The following NPAS3 variants were observed in gnomAD, a reference collection of about 807,000 sequenced individuals.
NPAS3 encodes neuronal PAS domain-containing protein 3.
A neutral mutation model predicts 73.1 loss-of-function variants in NPAS3; 14 were observed. That is an observed-to-expected ratio of 0.19 (90% CI 0.13 to 0.30). NPAS3 has a LOEUF of 0.30. Among genes scored for constraint, NPAS3 ranks in the 10% least tolerant of loss-of-function variants. The pLI, the probability that NPAS3 is intolerant of heterozygous loss-of-function variation, is 1.00. For missense variants in NPAS3, 1,096 were observed against 1,250.0 expected (o/e 0.88, Z 1.86); for synonymous variants, 620 against 541.5 (o/e 1.14, Z -2.01).
chr14:33,419,186 G>A (rs2048273229), intron 4 of NPAS3, among the ~76,000 whole-genome samples: 1 of 151,912 alleles, frequency 6.6e-6, no homozygotes, highest in African/African-American at 2.4e-5. Flanking sequence ...TCAAGGAACA[G>A]CATCTAGGCT....
intron 2 of NPAS3, among the ~76,000 whole-genome samples, chr14:33,073,838 G>A (rs1171890506): frequency 6.6e-6 from 1 of 152,196 alleles, no homozygotes; most frequent in East Asian, 1.9e-4. Flanking sequence ...ATGAGAGAGA[G>A]AGGCCAGCTT....
intron 5 of NPAS3, among the ~76,000 whole-genome samples, chr14:33,644,855 G>A (rs1009481515): frequency 2.0e-5 from 3 of 152,120 alleles, no homozygotes; most frequent in Non-Finnish European, 4.4e-5. Context: ...GGCAGAGGCG[G>A]GCGGATCACA....
chr14:33,265,158 C>G (rs1485563642), intron 3 of NPAS3, among the ~76,000 whole-genome samples: 2 of 152,182 alleles, frequency 1.3e-5, no homozygotes, highest in Admixed American at 1.3e-4. Context: ...AGATACTCAT[C>G]CAAGCCTAGC....
At chr14:33,282,087 G>A (rs542985413) in intron 3 of NPAS3, among the ~76,000 whole-genome samples, 1 of 152,282 alleles carries the variant, frequency 6.6e-6, no homozygotes, top group East Asian at 1.9e-4. Context: ...TAGAGAAGCA[G>A]TAATGCTAAA....
intron 7 of NPAS3, among the ~76,000 whole-genome samples, chr14:33,772,677 C>A (rs2062692595): frequency 1.3e-5 from 2 of 152,178 alleles, no homozygotes; most frequent in Admixed American, 6.5e-5. Flanking sequence ...ACTGTTAACA[C>A]CCCTCCTGTG....
chr14:32,973,892 A>G (rs979968062), intron 1 of NPAS3, among the ~76,000 whole-genome samples: 3 of 152,284 alleles, frequency 2.0e-5, no homozygotes, highest in African/African-American at 4.8e-5. Context: ...TTAAGTAACT[A>G]TTTCAAGGGC....
chr14:33,338,390 C>A (rs745538797), intron 3 of NPAS3, among the ~76,000 whole-genome samples: 1 of 152,040 alleles, frequency 6.6e-6, no homozygotes, highest in Admixed American at 6.5e-5. Flanking sequence ...CCATAGAGAT[C>A]GTTGTTGCTT....
intron 2 of NPAS3, among the ~76,000 whole-genome samples, chr14:33,133,722 A>T (rs2043725929): frequency 6.6e-6 from 1 of 152,188 alleles, no homozygotes; most frequent in Non-Finnish European, 1.5e-5. Flanking sequence ...AGAAAAGTGG[A>T]AGCTTTTGTA....
intron 1 of NPAS3, among the ~76,000 whole-genome samples, chr14:32,976,439 T>C (rs1033055544): frequency 6.6e-6 from 1 of 152,230 alleles, no homozygotes; most frequent in Non-Finnish European, 1.5e-5. Context: ...TTGTGTTTTG[T>C]CACACACATG....
chr14:33,795,535 T>C (rs2063487794), intron 10 of NPAS3, among the ~76,000 whole-genome samples: 3 of 152,188 alleles, frequency 2.0e-5, no homozygotes, highest in African/African-American at 7.2e-5. Flanking sequence ...CAAAATGATA[T>C]TGTGACAAGG....
intron 5 of NPAS3, among the ~76,000 whole-genome samples, chr14:33,582,332 A>G (rs923147457): frequency 4.6e-5 from 7 of 152,202 alleles, no homozygotes; most frequent in Admixed American, 1.3e-4. Context: ...AAATATGAAA[A>G]GGATGATCCC....
rs1484717400 is a variant in NPAS3 at position 33,544,820 on chromosome 14, AATATATATGTGTATATATATATT to A, written c.469-15281_469-15259del. 9.1e-5 allele frequency among the ~76,000 whole-genome samples: 9 copies of A among 98,550 alleles called. 1 individual carries two copies. The highest frequency in any genetic ancestry group is 1.5e-4 in the Non-Finnish European group (8 of 53,620). The allele number at this position is 98,550 out of a possible 152,430, so 64.7% of individuals were successfully genotyped here. On this transcript the variant is annotated intron_variant, in intron 4 of 11. Coordinates refer to ENST00000356141, the Ensembl canonical transcript of NPAS3. ...TATATATATATATATATGTATATATAATATATATGTGTATATATATATTATATATATGTGTATATATAATATAT... is the reference window on the plus strand; with the variant it reads ...TATATATATATATATATGTATATATAATATATATGTGTATATATAATATAT...
intron 4 of NPAS3, among the ~76,000 whole-genome samples, chr14:33,404,235 T>C (rs1470330734): frequency 6.6e-6 from 1 of 152,126 alleles, no homozygotes; most frequent in Non-Finnish European, 1.5e-5. Flanking sequence ...AGGTGTGAAC[T>C]TCTTGTTGCT....
Position 33,770,091 on chromosome 14 carries a change from T to C in NPAS3, c.853-4246T>C, listed in dbSNP as rs530269406. ...GGAAAACTTTAAAAATGTCTATGAA[T>C]ATTGATGCCAGTGCCCCACCACCTG... On this transcript the variant is annotated intron_variant, in intron 7 of 11. Transcript: ENST00000356141. Among the ~76,000 whole-genome samples, 161 of 152,162 alleles carry C rather than the reference T, an allele frequency of 1.1e-3. 1 individual carries two copies. Among genetic ancestry groups the C allele is most frequent in the African/African-American group, 3.8e-3 (157 of 41,502 alleles).
intron 4 of NPAS3, among the ~76,000 whole-genome samples, chr14:33,549,432 A>T (rs1253431541): frequency 6.6e-6 from 1 of 152,100 alleles, no homozygotes; most frequent in Non-Finnish European, 1.5e-5. Context: ...ACAAGGCTTC[A>T]TCATGTTGCC....
intron 4 of NPAS3, among the ~76,000 whole-genome samples, chr14:33,424,256 G>T (rs756579749): frequency 1.1e-4 from 16 of 151,960 alleles, no homozygotes; most frequent in Non-Finnish European, 1.5e-4. Flanking sequence ...TAGCATGTGC[G>T]GGGGCCCAGT....
intron 5 of NPAS3, among the ~76,000 whole-genome samples, chr14:33,564,405 A>ATTCACAGCAAGGCTGTCGTGATC (rs2055818961): frequency 1.3e-5 from 2 of 152,136 alleles, no homozygotes; most frequent in East Asian, 3.9e-4. Context: ...TGGAGTCCAT[A>ATTCACAGCAAGGCTGTCGTGATC]TTCACAGCAA....
At position 32,952,601 on chromosome 14, in the gene NPAS3, A is replaced by G. The variant is rs144221079; in HGVS notation, c.50+13235A>G. 1.1e-3 allele frequency among the ~76,000 whole-genome samples: 171 copies of G among 152,180 alleles called. No individual in the cohort carries two copies. The East Asian group carries it at 0.015, about 13-fold the overall frequency. On this transcript the variant is annotated intron_variant, in intron 1 of 11. Transcript: ENST00000356141. The stretch of plus-strand genomic sequence containing the variant: ...TAGTGACATTGTTTTAGAAAAAAAA[A>G]ATTTAATTTTATCACAACATTGAGT...
intron 2 of NPAS3, among the ~76,000 whole-genome samples, chr14:33,143,479 G>T (rs1025354700): frequency 6.6e-6 from 1 of 151,324 alleles, no homozygotes; most frequent in African/African-American, 2.4e-5. Context: ...CAACAAGAAC[G>T]AAACTCTGTC....
Sources: allele counts gnomAD v4.1 joint callset (sites outside exome capture counted in the v4.1 genomes callset), GRCh38; gene constraint gnomAD v4.1.1; transcripts MANE v1.5; gene names NCBI Gene and HGNC (gene_info 2026-07-23, HGNC 2026-07-21).